SERPINB11: variants seen among roughly 807,000 people sequenced by gnomAD.
SERPINB11 encodes the protein serpin B11.
SERPINB11 carries 32 observed loss-of-function variants against 36.7 expected under a neutral mutation model. That is an observed-to-expected ratio of 0.87 (90% CI 0.66 to 1.17). The LOEUF is 1.17. SERPINB11 is among the 50% of genes most tolerant of loss of function. The pLI, the probability that SERPINB11 is intolerant of heterozygous loss-of-function variation, is 0.00. For synonymous variants in SERPINB11, 174 were observed against 168.1 expected (o/e 1.04, Z -0.27); for missense variants, 528 against 458.4 (o/e 1.15, Z -1.39).
Position 63,716,710 on chromosome 18 carries a change from C to T in SERPINB11, c.475+558C>T, listed in dbSNP as rs140926523. Among the ~76,000 whole-genome samples, 201 of 152,012 alleles carry T rather than the reference C, an allele frequency of 1.3e-3. 2 individuals carry two copies. The highest frequency in any genetic ancestry group is 7.4e-3 in the Admixed American group (113 of 15,266). On this transcript the variant is annotated intron_variant, in intron 5 of 7. Coordinates refer to ENST00000544088, the MANE Select transcript of SERPINB11 (RefSeq NM_001370475.1). ...AAAATATGGACAATTTTAATACAAC[C>T]GCTACAATTCATTACTTCTGAAAAA...
chr18:63,710,812 G>T (rs529945867), intron 2 of SERPINB11, among the ~76,000 whole-genome samples: 12 of 152,310 alleles, frequency 7.9e-5, no homozygotes, highest in African/African-American at 1.2e-4. Flanking sequence ...CTGAGACTCA[G>T]AAAGGAAAGG....
chr18:63,712,717 CA>C, intron 4 of SERPINB11, 24 bp downstream of exon 4: 1 of 1,603,216 alleles, frequency 6.2e-7, no homozygotes, highest in Non-Finnish European at 8.5e-7. Context: ...GAAGAGTGAT[CA>C]ACAACTTTCT....
At chr18:63,709,137 A>G (rs1914448143) in intron 1 of SERPINB11, among the ~76,000 whole-genome samples, 1 of 152,192 alleles carries the variant, frequency 6.6e-6, no homozygotes, top group African/African-American at 2.4e-5. Context: ...AAGATAACAC[A>G]TATTCCAGCA....
intron 5 of SERPINB11, among the ~76,000 whole-genome samples, chr18:63,718,510 G>A (rs943873403): frequency 6.6e-6 from 1 of 151,906 alleles, no homozygotes; most frequent in Non-Finnish European, 1.5e-5. Flanking sequence ...TTGATAAACT[G>A]ATCCTAGGTG....
intron 1 of SERPINB11, among the ~76,000 whole-genome samples, chr18:63,708,584 A>G (rs961657771): frequency 1.1e-4 from 16 of 152,206 alleles, no homozygotes; most frequent in African/African-American, 3.9e-4. Flanking sequence ...ACAGAGGTAA[A>G]GAAGGCTGTG....
At position 63,723,375 on chromosome 18, in the gene SERPINB11, C is replaced by G; in HGVS notation, c.1155C>G (p.Phe385Leu). The G allele has an allele frequency of 1.2e-6, 2 of 1,607,806 alleles. No homozygotes were observed. Among genetic ancestry groups the G allele is most frequent in the Non-Finnish European group, 1.7e-6 (2 of 1,175,578 alleles). ...ACACTCATACCAACACGATCCTATT[C>G]TGTGGCAAGCTTGCCTCTCCCTAAT... ...IRHTHTNTIL[F>L]CGKLASP The change falls in exon 8 of 8, where the codon TTC becomes TTG. Residue 385 changes from phenylalanine to leucine, a missense_variant. Physicochemically the swap from Phe to Leu is conservative, Grantham distance 22 (BLOSUM62 0). Coordinates refer to ENST00000544088, the MANE Select transcript of SERPINB11 (RefSeq NM_001370475.1).
At position 63,716,125 on chromosome 18, in the gene SERPINB11, A is replaced by G; in HGVS notation, c.448A>G (p.Asn150Asp). ...QSTEETRKTI[N>D]AWVENKTNGK... ...TACAGAAGAAACGAGGAAAACGATT[A>G]ATGCTTGGGTTGAAAATAAAACTAA... is the stretch of plus-strand genomic sequence containing the variant. Residue 150 changes from asparagine to aspartate, a missense_variant, in exon 5 of 8, where the codon AAT becomes GAT. Asn to Asp is a conservative substitution (Grantham distance 23, BLOSUM62 1). Coordinates refer to ENST00000544088, the MANE Select transcript of SERPINB11 (RefSeq NM_001370475.1). The G allele has an allele frequency of 6.2e-7, 1 of 1,607,492 alleles. No homozygotes were observed. Among genetic ancestry groups the G allele is most frequent in the Non-Finnish European group, 8.5e-7 (1 of 1,175,202 alleles).
intron 4 of SERPINB11, among the ~76,000 whole-genome samples, chr18:63,715,744 A>C (rs545296063): frequency 1.3e-5 from 2 of 152,198 alleles, no homozygotes; most frequent in Admixed American, 6.5e-5. Context: ...GAAGGTGCTC[A>C]TGTATTGCAA....
chr18:63,708,098 G>A (rs1045770356), intron 1 of SERPINB11, among the ~76,000 whole-genome samples: 2 of 152,236 alleles, frequency 1.3e-5, no homozygotes, highest in South Asian at 2.1e-4. Flanking sequence ...TACTTGTTAT[G>A]TTGAAGGTAT....
Position 63,721,077 on chromosome 18 carries a change from G to A in SERPINB11, c.774+91G>A, listed in dbSNP as rs925066785. On this transcript the variant is annotated intron_variant, in intron 7 of 7. Coordinates refer to ENST00000544088, the MANE Select transcript of SERPINB11 (RefSeq NM_001370475.1). ...ACACACTGTGTATCTCATGACATTA[G>A]CGTAGTCATTGATTCACAATCTAAG... 14 of 1,182,904 alleles carry A rather than the reference G, an allele frequency of 1.2e-5. No homozygotes were observed. In the African/African-American group the frequency reaches 1.8e-4, roughly 16 times the overall value. 73.3% of individuals were successfully genotyped at this position (1,182,904 alleles called of 1,614,324 possible).
chr18:63,715,345 T>C (rs2840360), intron 4 of SERPINB11, among the ~76,000 whole-genome samples: 56,470 of 151,978 alleles, frequency 0.37, 11,352 homozygotes, highest in East Asian at 0.61. Context: ...GGTCATAAAT[T>C]GTTGCTCCAG....
At position 63,723,467 on chromosome 18, in the gene SERPINB11, G is replaced by T. The variant is rs144397136; in HGVS notation, c.*68G>T. The T allele has an allele frequency of 3.5e-4, 506 of 1,464,486 alleles. 1 individual carries two copies. In the East Asian group the frequency reaches 9.4e-3, roughly 27 times the overall value. The allele number at this position is 1,464,486 out of a possible 1,614,324, so 90.7% of individuals were successfully genotyped here. ...AGAGACAATCCTGTGACTTTCCCAC[G>T]GCCAAAAAGCTGTTCACACCTCACA... On this transcript the variant is annotated 3_prime_UTR_variant, in exon 8 of 8. Transcript: ENST00000544088.
At chr18:63,718,508 C>T (rs780333184) in intron 5 of SERPINB11, among the ~76,000 whole-genome samples, 1 of 151,840 alleles carries the variant, frequency 6.6e-6, no homozygotes, top group Admixed American at 6.6e-5. Flanking sequence ...TTTTGATAAA[C>T]TGATCCTAGG....
Position 63,723,704 on chromosome 18 carries a change from C to A in SERPINB11, c.*305C>A, listed in dbSNP as rs555879227. On this transcript the variant is annotated 3_prime_UTR_variant, in exon 8 of 8. Transcript: ENST00000544088. ...GTAAAATTTTAAGGGATTAGATTTTCTTGACTTGTATGTATCTGTGAGATC... is the reference window on the plus strand; with the variant it reads ...GTAAAATTTTAAGGGATTAGATTTTATTGACTTGTATGTATCTGTGAGATC... The A allele has an allele frequency of 3.1e-5, 8 of 259,102 alleles. No individual in the cohort carries two copies. The highest frequency in any genetic ancestry group is 4.4e-5 in the African/African-American group (2 of 45,318). The allele number at this position is 259,102 out of a possible 1,614,324, so 16.1% of individuals were successfully genotyped here.
Position 63,720,165 on chromosome 18 carries a change from T to C in SERPINB11, c.618+10T>C. ...TTTTCAGCTAAGTGAGGTAAGTATT[T>C]TATTTTCAGACTCATGACAAATGTT... is the stretch of plus-strand genomic sequence containing the variant. On this transcript the variant is annotated intron_variant, in intron 6 of 7. Transcript: ENST00000544088. 6.3e-7 allele frequency: 1 copy of C among 1,590,566 alleles called. No individual in the cohort carries two copies. Among genetic ancestry groups the C allele is most frequent in the Non-Finnish European group, 8.6e-7 (1 of 1,162,762 alleles).
At chr18:63,707,740 C>T (rs1329090573) in intron 1 of SERPINB11, among the ~76,000 whole-genome samples, 7 of 152,358 alleles carry the variant, frequency 4.6e-5, no homozygotes, top group Middle Eastern at 6.8e-3. Flanking sequence ...TTCTTCATTT[C>T]TTCCTTCTGC....
chr18:63,720,790 T>C, intron 6 of SERPINB11, 41 bp from the exon 7 acceptor site: 2 of 1,431,046 alleles, frequency 1.4e-6, no homozygotes, highest in Non-Finnish European at 1.9e-6. Context: ...ACATGTGCAC[T>C]CACATATGTA....
intron 1 of SERPINB11, among the ~76,000 whole-genome samples, chr18:63,707,958 A>G (rs1479488333): frequency 6.6e-6 from 1 of 152,238 alleles, no homozygotes; most frequent in African/African-American, 2.4e-5. Context: ...ATTAATGGTC[A>G]GGGAGAGCCT....
In SERPINB11 at chr18:63,720,824, T is replaced by C. The variant is rs1357031106; in HGVS notation, c.619-7T>C. On this transcript the variant is annotated splice_region_variant and splice_polypyrimidine_tract_variant and intron_variant, in intron 6 of 7. Transcript: ENST00000544088. ...TAAGTATACTATAATCTTTTTCTTC[T>C]TAACAGGGTAAAAATGTAACTGTGG... The C allele has an allele frequency of 6.5e-7, 1 of 1,545,834 alleles. No individual in the cohort carries two copies. The highest frequency in any genetic ancestry group is 2.0e-5 in the Admixed American group (1 of 51,004).
Sources: allele counts gnomAD v4.1 joint callset (sites outside exome capture counted in the v4.1 genomes callset), GRCh38; gene constraint gnomAD v4.1.1; transcripts MANE v1.5; gene names NCBI Gene and HGNC (gene_info 2026-07-23, HGNC 2026-07-21).